SIK3: variants seen among roughly 807,000 people sequenced by gnomAD.
The protein encoded by SIK3 is serine/threonine-protein kinase SIK3.
In SIK3, 28 loss-of-function variants were observed where a neutral mutation model predicts 144.2. The ratio of observed to expected loss-of-function variants is 0.19; its 90% CI spans 0.14 to 0.27. The LOEUF (loss-of-function observed/expected upper bound fraction) is 0.27. Ranked by LOEUF, SIK3 falls within the 10% of genes least tolerant of loss-of-function variation. SIK3 has a pLI of 1.00. For synonymous variants in SIK3, 686 were observed against 676.3 expected (o/e 1.01, Z -0.22); for missense variants, 1,319 against 1,776.0 (o/e 0.74, Z 4.62).
intron 1 of SIK3, among the ~76,000 whole-genome samples, chr11:116,988,889 AAAG>A (rs1691583245): frequency 6.6e-6 from 1 of 151,510 alleles, no homozygotes; most frequent in African/African-American, 2.4e-5. Context: ...GAAAAATCTA[AAAG>A]AAGACAACAT....
intron 1 of SIK3, among the ~76,000 whole-genome samples, chr11:116,995,682 C>A (rs1009853826): frequency 6.6e-6 from 1 of 152,144 alleles, no homozygotes; most frequent in Non-Finnish European, 1.5e-5. Flanking sequence ...AACAACCTGG[C>A]TCCTAAGAAT....
intron 1 of SIK3, among the ~76,000 whole-genome samples, chr11:117,062,397 G>T (rs376491007): frequency 1.1e-4 from 17 of 152,016 alleles, no homozygotes; most frequent in East Asian, 7.7e-4. Context: ...TCCCCAAATG[G>T]GCCACAACGT....
chr11:117,067,171 C>T (rs1399304968), intron 1 of SIK3, among the ~76,000 whole-genome samples: 1 of 152,152 alleles, frequency 6.6e-6, no homozygotes, highest in Non-Finnish European at 1.5e-5. Flanking sequence ...AGCCATTCCA[C>T]TGTAAGGTAT....
At chr11:116,947,527 A>ATG (rs1392701397) in intron 3 of SIK3, among the ~76,000 whole-genome samples, 129 of 94,646 alleles carry the variant, frequency 1.4e-3, no homozygotes, top group East Asian at 2.6e-3. Flanking sequence ...AAATATATAT[A>ATG]TATATATGTA....
chr11:116,897,802 G>C (rs1263736107), intron 4 of SIK3, among the ~76,000 whole-genome samples: 1 of 152,010 alleles, frequency 6.6e-6, no homozygotes, highest in Non-Finnish European at 1.5e-5. Context: ...GGAATTGCTT[G>C]AACCTGGGAG....
intron 1 of SIK3, among the ~76,000 whole-genome samples, chr11:117,039,010 A>T (rs1952631008): frequency 6.6e-6 from 1 of 152,090 alleles, no homozygotes; most frequent in South Asian, 2.1e-4. Flanking sequence ...AGATTGTGCC[A>T]CTGCATTCCA....
At chr11:116,900,867 T>G (rs1402049081) in intron 4 of SIK3, among the ~76,000 whole-genome samples, 1 of 120,662 alleles carries the variant, frequency 8.3e-6, no homozygotes, top group Admixed American at 7.4e-5. Flanking sequence ...TATTATTTAT[T>G]TTTTTTTTTT....
chr11:117,041,830 A>C (rs1050606990), intron 1 of SIK3, among the ~76,000 whole-genome samples: 1 of 152,208 alleles, frequency 6.6e-6, no homozygotes, highest in African/African-American at 2.4e-5. Context: ...TCCTTGTCCA[A>C]AGATGCCCTA....
At chr11:117,084,205 A>G (rs1954907401) in intron 1 of SIK3, among the ~76,000 whole-genome samples, 1 of 152,114 alleles carries the variant, frequency 6.6e-6, no homozygotes, top group Non-Finnish European at 1.5e-5. Flanking sequence ...CCCAACTAAT[A>G]ACAGCTGTCT....
chr11:116,957,025 C>T lies in SIK3; in HGVS notation c.313G>A (p.Glu105Lys). ...KIIDKTQLDE[E>K]NLKKIFREVQ... ...TCCCGGAAAATCTTCTTCAAGTTTT[C>T]TTCATCCAGCTGGGTCTTATCTATG... The change falls in exon 2 of 25, where the codon GAA becomes AAA. Residue 105 changes from glutamate (E) to lysine (K), a missense_variant. Around this residue, in one of 8 missense-constraint regions of SIK3, gnomAD observed 125 missense variants for 285.2 expected, o/e 0.44. Coordinates refer to ENST00000445177, the MANE Select transcript of SIK3 (RefSeq NM_001366686.3). 1.2e-6 allele frequency: 2 copies of T among 1,611,016 alleles called. No individual in the cohort carries two copies. Among genetic ancestry groups the T allele is most frequent in the Non-Finnish European group, 1.7e-6 (2 of 1,179,154 alleles).
chr11:117,036,948 G>A (rs957826878), intron 1 of SIK3, among the ~76,000 whole-genome samples: 1 of 152,144 alleles, frequency 6.6e-6, no homozygotes, highest in Non-Finnish European at 1.5e-5. Flanking sequence ...GTTTTATACA[G>A]TACTAATTAG....
chr11:116,882,972 C>T (rs1298040910), intron 6 of SIK3, among the ~76,000 whole-genome samples: 1 of 152,166 alleles, frequency 6.6e-6, no homozygotes. Flanking sequence ...AATTACTTGA[C>T]AAAAACCTTT....
At chr11:117,002,253 A>G (rs1235295547) in intron 1 of SIK3, among the ~76,000 whole-genome samples, 1 of 152,238 alleles carries the variant, frequency 6.6e-6, no homozygotes, top group East Asian at 1.9e-4. Flanking sequence ...GTGGCCCAAC[A>G]CAAATTCATA....
At chr11:117,025,361 C>T (rs900495277) in intron 1 of SIK3, among the ~76,000 whole-genome samples, 5 of 152,134 alleles carry the variant, frequency 3.3e-5, no homozygotes, top group African/African-American at 9.7e-5. Context: ...TAGCCCTTAC[C>T]GGTATGTGAC....
intron 3 of SIK3, among the ~76,000 whole-genome samples, chr11:116,944,399 T>C (rs1948470317): frequency 6.6e-6 from 1 of 152,154 alleles, no homozygotes; most frequent in East Asian, 1.9e-4. Flanking sequence ...CACAACAGCG[T>C]GACTTGACGT....
At chr11:117,005,476 T>C (rs1951014337) in intron 1 of SIK3, among the ~76,000 whole-genome samples, 1 of 151,986 alleles carries the variant, frequency 6.6e-6, no homozygotes, top group South Asian at 2.1e-4. Flanking sequence ...AACCTAAACG[T>C]TTCTTAGAAA....
At chr11:116,967,899 C>T (rs581122) in intron 1 of SIK3, among the ~76,000 whole-genome samples, 8,221 of 152,208 alleles carry the variant, frequency 0.054, 464 homozygotes, top group African/African-American at 0.14. Context: ...ACACTACCAG[C>T]GCTGACAGAT....
At position 116,849,807 on chromosome 11, in the gene SIK3, TTC is replaced by T. The variant is rs1478270707; in HGVS notation, c.3656-526_3656-525del. 6.6e-6 allele frequency among the ~76,000 whole-genome samples: 1 copy of T among 152,166 alleles called. No individual in the cohort carries two copies. The highest frequency in any genetic ancestry group is 2.4e-5 in the African/African-American group (1 of 41,420). The stretch of plus-strand genomic sequence containing the variant: ...ACTCTCCACATTTTTGTCCTTGACC[TTC>T]TCTCTCCCCACACTTACTCTGGCAA... On this transcript the variant is annotated intron_variant, in intron 21 of 24. Transcript: ENST00000445177. This position sits in a 1 kb window ranked among gnomAD's most constrained non-coding sequence, Gnocchi z 4.2.
chr11:117,034,684 C>A (rs924165975), intron 1 of SIK3, among the ~76,000 whole-genome samples: 8 of 152,110 alleles, frequency 5.3e-5, no homozygotes, highest in African/African-American at 1.9e-4. Flanking sequence ...GATGCCAGCA[C>A]GATTCCAATT....
Sources: gnomAD v4.1 joint callset for allele counts (sites outside exome capture counted in the v4.1 genomes callset) on GRCh38, gnomAD v4.1.1 for gene constraint, gnomAD v4.1.1 regional missense constraint, Gnocchi (gnomAD v3.1) non-coding constraint, MANE v1.5 for transcripts, NCBI Gene and HGNC (gene_info 2026-07-23, HGNC 2026-07-21) for gene names.